The following SNTG1 variants were observed in gnomAD, a reference collection of about 807,000 sequenced individuals.
SNTG1 encodes syntrophin gamma 1.
In SNTG1, 39 loss-of-function variants were observed where a neutral mutation model predicts 74.7. The observed-to-expected ratio is 0.52, with a 90% CI of 0.40 to 0.68. The LOEUF (loss-of-function observed/expected upper bound fraction) is 0.68. Ranked by LOEUF, SNTG1 falls within the 30% of genes least tolerant of loss-of-function variation. The pLI is 0.00. For missense variants in SNTG1, 685 were observed against 609.5 expected (o/e 1.12, Z -1.30); for synonymous variants, 254 against 217.1 (o/e 1.17, Z -1.49).
chr8:50,093,929 C>T (rs147736845), intron 1 of SNTG1, among the ~76,000 whole-genome samples: 89 of 152,148 alleles, frequency 5.8e-4, no homozygotes, highest in South Asian at 1.0e-3. Flanking sequence ...GTGTGGTTAA[C>T]TTGAGAAGAT....
intron 4 of SNTG1, among the ~76,000 whole-genome samples, chr8:50,419,517 G>A (rs951631290): frequency 1.3e-5 from 2 of 152,132 alleles, no homozygotes; most frequent in Non-Finnish European, 2.9e-5. Flanking sequence ...ATTCAAATCT[G>A]TGCAGCCCAG....
At chr8:50,673,938 G>A (rs960204416) in intron 15 of SNTG1, among the ~76,000 whole-genome samples, 1 of 152,150 alleles carries the variant, frequency 6.6e-6, no homozygotes. Flanking sequence ...AGATTATCAC[G>A]TGTTTTCTGT....
chr8:50,488,484 A>G (rs2093819283), intron 8 of SNTG1, among the ~76,000 whole-genome samples: 1 of 151,978 alleles, frequency 6.6e-6, no homozygotes, highest in South Asian at 2.1e-4. Context: ...ACCTTCACTG[A>G]TCTATTTAAA....
chr8:50,030,784 C>T (rs1005924102), intron 1 of SNTG1, among the ~76,000 whole-genome samples: 43 of 151,872 alleles, frequency 2.8e-4, no homozygotes, highest in African/African-American at 9.9e-4. Flanking sequence ...TTTTCTTCCA[C>T]CTTATTCTTC....
In SNTG1 at chr8:50,533,138, A is replaced by C. The variant is rs78850122; in HGVS notation, c.549+2879A>C. Among the ~76,000 whole-genome samples, 258 of 152,354 alleles carry C rather than the reference A, an allele frequency of 1.7e-3. 1 individual carries two copies. Among genetic ancestry groups the C allele is most frequent in the Admixed American group, 3.1e-3 (48 of 15,296 alleles). The stretch of plus-strand genomic sequence containing the variant: ...TTGCCAACCAAGACCTTGGCTCTTA[A>C]GCCCCAGCCCAGATTCACTGAATTT... On this transcript the variant is annotated intron_variant, in intron 10 of 18. Coordinates refer to ENST00000642720, the MANE Select transcript of SNTG1 (RefSeq NM_018967.5).
In SNTG1 at chr8:50,763,735, T is replaced by C. The variant is rs746301490; in HGVS notation, c.1395+11624T>C. Among the ~76,000 whole-genome samples the C allele has an allele frequency of 7.5e-4, 109 of 145,718 alleles. 2 individuals carry two copies. The highest frequency in any genetic ancestry group is 7.3e-3 in the Middle Eastern group (2 of 274). On this transcript the variant is annotated intron_variant, in intron 18 of 18. Transcript: ENST00000642720. Reference sequence around the variant, plus strand: ...TGAAAGATAATTCTGTGTTCAGGGATTGGAAAAATTAATGTTGTTAAAACG... The same window carrying C: ...TGAAAGATAATTCTGTGTTCAGGGACTGGAAAAATTAATGTTGTTAAAACG...
At chr8:50,328,376 T>G (rs2090835130) in intron 2 of SNTG1, among the ~76,000 whole-genome samples, 1 of 152,140 alleles carries the variant, frequency 6.6e-6, no homozygotes, top group African/African-American at 2.4e-5. Flanking sequence ...GTGTATTAGT[T>G]TTTTTTGATG....
rs2095698679 is a variant in SNTG1, at chr8:50,794,057, A to G, written c.*1228A>G. ...TTATTCAACTAGTTGTATAACATGG[A>G]ACACAGTCTCTGTCCTTCAGTACAG... On this transcript the variant is annotated 3_prime_UTR_variant, in exon 19 of 19. Transcript: ENST00000642720. 6.6e-6 allele frequency: 1 copy of G among 151,790 alleles called. No individual in the cohort carries two copies. The highest frequency in any genetic ancestry group is 1.5e-5 in the Non-Finnish European group (1 of 67,864). 9.4% of individuals were successfully genotyped at this position (151,790 alleles called of 1,614,324 possible).
chr8:50,324,125 G>T (rs139619113), intron 2 of SNTG1, among the ~76,000 whole-genome samples: 2 of 152,304 alleles, frequency 1.3e-5, no homozygotes, highest in East Asian at 3.9e-4. Context: ...GGCAAGGCTT[G>T]CAGAGAAACT....
intron 2 of SNTG1, among the ~76,000 whole-genome samples, chr8:50,349,207 T>A (rs1423673383): frequency 6.6e-6 from 1 of 152,196 alleles, no homozygotes; most frequent in African/African-American, 2.4e-5. Context: ...TTTTATGTAT[T>A]CAACACTTAA....
chr8:50,579,763 A>G (rs113249497), intron 12 of SNTG1, among the ~76,000 whole-genome samples: 7,604 of 152,328 alleles, frequency 0.05, 354 homozygotes, highest in African/African-American at 0.12. Flanking sequence ...CAGAAAACAA[A>G]AATTGAGGTT....
chr8:49,973,808 T>C (rs977111660), intron 1 of SNTG1, among the ~76,000 whole-genome samples: 9 of 152,172 alleles, frequency 5.9e-5, no homozygotes, highest in Admixed American at 3.3e-4. Context: ...CAATGATAAA[T>C]TTGGATACCA....
At chr8:50,582,871 GA>G (rs2094620170) in intron 12 of SNTG1, among the ~76,000 whole-genome samples, 1 of 151,966 alleles carries the variant, frequency 6.6e-6, no homozygotes, top group Non-Finnish European at 1.5e-5. Context: ...TTAAAAGATA[GA>G]AAAATACAGA....
At chr8:50,699,645 T>C (rs920971188) in intron 15 of SNTG1, among the ~76,000 whole-genome samples, 1 of 152,190 alleles carries the variant, frequency 6.6e-6, no homozygotes, top group African/African-American at 2.4e-5. Flanking sequence ...GTTCTTGATA[T>C]GTTTAGCTAT....
intron 1 of SNTG1, among the ~76,000 whole-genome samples, chr8:50,033,746 A>T (rs1440719754): frequency 6.6e-6 from 1 of 152,160 alleles, no homozygotes; most frequent in East Asian, 1.9e-4. Context: ...AATTAGGACC[A>T]CAACAACGAC....
chr8:49,914,448 G>A (rs1413986915), intron 1 of SNTG1, among the ~76,000 whole-genome samples: 1 of 151,834 alleles, frequency 6.6e-6, no homozygotes. Context: ...AGGTGAGATG[G>A]GATTACATAA....
chr8:50,445,021 A>G (rs1275295028), intron 5 of SNTG1, among the ~76,000 whole-genome samples: 1 of 152,192 alleles, frequency 6.6e-6, no homozygotes, highest in Non-Finnish European at 1.5e-5. Flanking sequence ...TCACTTCCAG[A>G]AGAAATCTCA....
At chr8:50,661,841 G>T (rs1446188795) in intron 15 of SNTG1, among the ~76,000 whole-genome samples, 2 of 152,062 alleles carry the variant, frequency 1.3e-5, no homozygotes, top group African/African-American at 4.8e-5. Flanking sequence ...ATGTAATCAA[G>T]GAAGTCCCCC....
intron 15 of SNTG1, among the ~76,000 whole-genome samples, chr8:50,686,847 C>G (rs568814740): frequency 5.3e-5 from 8 of 152,110 alleles, no homozygotes; most frequent in Admixed American, 4.6e-4. Flanking sequence ...ACAAAATAAA[C>G]ATGAAGGGCC....
Sources: allele counts gnomAD v4.1 joint callset (sites outside exome capture counted in the v4.1 genomes callset), GRCh38; gene constraint gnomAD v4.1.1; transcripts MANE v1.5; gene names NCBI Gene and HGNC (gene_info 2026-07-23, HGNC 2026-07-21).